The following BLTP1 variants were observed in gnomAD, a reference collection of about 807,000 sequenced individuals.
BLTP1 encodes bridge-like lipid transfer protein family member 1.
At chr4:122,274,530 T>C in the BLTP1 span, 2 of 1,491,332 alleles carry the variant, frequency 1.3e-6, no homozygotes, top group South Asian at 2.7e-5. Flanking sequence ...GGTTTGTATA[T>C]ACAATATCAG....
At chr4:122,317,550 C>G in the BLTP1 span, among the ~76,000 whole-genome samples, 1 of 151,658 alleles carries the variant, frequency 6.6e-6, no homozygotes, top group East Asian at 1.9e-4. Flanking sequence ...AGTAAATATT[C>G]TTGTTGCTAA....
the BLTP1 span, among the ~76,000 whole-genome samples, chr4:122,221,452 G>A: frequency 3.3e-5 from 5 of 152,028 alleles, no homozygotes; most frequent in African/African-American, 7.2e-5. Context: ...AGATCAGAGC[G>A]ATCCTGTGTG....
the BLTP1 span, chr4:122,181,194 TA>T: frequency 1.7e-6 from 1 of 597,868 alleles, no homozygotes; most frequent in Non-Finnish European, 2.1e-6. Context: ...TTTTATAACC[TA>T]GGGAGTATTT....
At chr4:122,162,637 T>C in the BLTP1 span, 1 of 985,022 alleles carries the variant, frequency 1.0e-6, no homozygotes, top group Non-Finnish European at 1.2e-6. Context: ...CACCCTAGGG[T>C]CATCCTTCTG....
chr4:122,270,064 A>G, the BLTP1 span, among the ~76,000 whole-genome samples: 1 of 151,890 alleles, frequency 6.6e-6, no homozygotes, highest in Non-Finnish European at 1.5e-5. Context: ...TGTCTGTTCT[A>G]ATTCTCAAAA....
the BLTP1 span, chr4:122,224,856 A>T: frequency 6.6e-7 from 1 of 1,507,482 alleles, no homozygotes; most frequent in Non-Finnish European, 8.9e-7. Flanking sequence ...GACAAGTTTG[A>T]CTTTTCTGAG....
At chr4:122,207,567 C>G in the BLTP1 span, 1 of 1,565,546 alleles carries the variant, frequency 6.4e-7, no homozygotes, top group East Asian at 2.3e-5. Flanking sequence ...TGGAGAAACA[C>G]TAAACATTGA....
At chr4:122,255,063 G>T in the BLTP1 span, 1 of 1,518,840 alleles carries the variant, frequency 6.6e-7, no homozygotes, top group East Asian at 2.3e-5. Context: ...CTTAATTACT[G>T]AATGTCTTTT....
the BLTP1 span, among the ~76,000 whole-genome samples, chr4:122,277,974 A>G: frequency 6.6e-6 from 1 of 152,136 alleles, no homozygotes; most frequent in East Asian, 1.9e-4. Context: ...TACATGTGAG[A>G]ATATACTTAT....
At chr4:122,260,902 CTGT>C in the BLTP1 span, among the ~76,000 whole-genome samples, 2 of 152,026 alleles carry the variant, frequency 1.3e-5, no homozygotes, top group Admixed American at 1.3e-4. Flanking sequence ...TGAAGTAGAT[CTGT>C]AAGTGGATAT....
the BLTP1 span, chr4:122,170,506 G>C: frequency 1.1e-4 from 146 of 1,324,476 alleles, 1 homozygote; most frequent in East Asian, 4.5e-3. Flanking sequence ...GAAACAGAAA[G>C]GTGATTTAAT....
the BLTP1 span, chr4:122,250,227 A>G: frequency 1.1e-6 from 1 of 937,848 alleles, no homozygotes; most frequent in East Asian, 2.7e-5. Context: ...TCAGTGATAC[A>G]TTACTTTTAT....
the BLTP1 span, chr4:122,343,919 T>C: frequency 1.1e-6 from 1 of 899,578 alleles, no homozygotes; most frequent in Non-Finnish European, 1.3e-6. Flanking sequence ...TCACTGTCCA[T>C]TTATACAACA....
chr4:122,159,604 A>G, the BLTP1 span, among the ~76,000 whole-genome samples: 2 of 152,320 alleles, frequency 1.3e-5, no homozygotes, highest in Admixed American at 1.3e-4. Context: ...TAATAAAAGT[A>G]GCTTAGCTAC....
At chr4:122,269,669 G>T in the BLTP1 span, 1 of 985,010 alleles carries the variant, frequency 1.0e-6, no homozygotes, top group Admixed American at 6.2e-5. Context: ...GCTGATTGTT[G>T]TATATTAGTT....
chr4:122,196,407 T>A, the BLTP1 span, among the ~76,000 whole-genome samples: 1 of 152,160 alleles, frequency 6.6e-6, no homozygotes, highest in Non-Finnish European at 1.5e-5. Flanking sequence ...TTTGTCGTAG[T>A]AATCTTGAAT....
At chr4:122,316,770 C>G in the BLTP1 span, 6 of 1,612,670 alleles carry the variant, frequency 3.7e-6, no homozygotes, top group Non-Finnish European at 5.1e-6. Flanking sequence ...CATCTGCTAG[C>G]CAGCCGGGAG....
At chr4:122,227,368 CTAAA>C in the BLTP1 span, 3 of 985,240 alleles carry the variant, frequency 3.0e-6, no homozygotes, top group African/African-American at 3.5e-5. Flanking sequence ...ATGGTAATCC[CTAAA>C]ACCATGTGCA....
the BLTP1 span, chr4:122,208,008 T>G: frequency 1.0e-6 from 1 of 985,288 alleles, no homozygotes; most frequent in Non-Finnish European, 1.2e-6. Context: ...GTAACCACAG[T>G]AGCTTTCTTC....
Sources: allele counts gnomAD v4.1 joint callset (sites outside exome capture counted in the v4.1 genomes callset), GRCh38; gene constraint gnomAD v4.1.1; transcripts MANE v1.5; gene names NCBI Gene and HGNC (gene_info 2026-07-23, HGNC 2026-07-21).